HS6ST3: variants seen among roughly 807,000 people sequenced by gnomAD.
HS6ST3 encodes heparan-sulfate 6-O-sulfotransferase 3.
In HS6ST3, 12 loss-of-function variants were observed where a neutral mutation model predicts 36.7. The observed-to-expected ratio is 0.33, with a 90% CI of 0.21 to 0.53. The LOEUF (loss-of-function observed/expected upper bound fraction) is 0.53. Among genes scored for constraint, HS6ST3 ranks in the 20% least tolerant of loss-of-function variants. The probability of loss-of-function intolerance (pLI) is 0.95; values close to 1 mark genes in which losing one functional copy is unlikely to be tolerated. For missense variants in HS6ST3, 584 were observed against 640.9 expected (o/e 0.91, Z 0.96); for synonymous variants, 240 against 257.5 (o/e 0.93, Z 0.65).
chr13:96,354,899 G>A (rs1462350159), intron 1 of HS6ST3, among the ~76,000 whole-genome samples: 7 of 152,006 alleles, frequency 4.6e-5, no homozygotes, highest in Admixed American at 3.3e-4. Flanking sequence ...TCAAGCTACC[G>A]TAAGATAAGG....
chr13:96,351,348 G>A (rs1054355385), intron 1 of HS6ST3, among the ~76,000 whole-genome samples: 1 of 133,598 alleles, frequency 7.5e-6, no homozygotes, highest in Non-Finnish European at 1.5e-5. Context: ...AAAAAACAAG[G>A]TCTTGCTGGG....
chr13:96,646,105 C>T (rs779458772), intron 1 of HS6ST3, among the ~76,000 whole-genome samples: 11 of 151,958 alleles, frequency 7.2e-5, no homozygotes, highest in Non-Finnish European at 1.6e-4. Flanking sequence ...TAATAAAAGC[C>T]TCCATTTAGA....
intron 1 of HS6ST3, among the ~76,000 whole-genome samples, chr13:96,810,912 T>A (rs1319085803): frequency 6.6e-6 from 1 of 152,152 alleles, no homozygotes; most frequent in Non-Finnish European, 1.5e-5. Context: ...ACAGTTCAAG[T>A]TTTCCTGTAG....
At chr13:96,527,571 G>C (rs1310329851) in intron 1 of HS6ST3, among the ~76,000 whole-genome samples, 1 of 152,212 alleles carries the variant, frequency 6.6e-6, no homozygotes, top group African/African-American at 2.4e-5. Flanking sequence ...TGCTGGGAAA[G>C]ACAGAGCCTC....
At chr13:96,101,824 T>TA (rs910642747) in intron 1 of HS6ST3, among the ~76,000 whole-genome samples, 16 of 152,304 alleles carry the variant, frequency 1.1e-4, no homozygotes, top group African/African-American at 3.6e-4. Flanking sequence ...TGTACCGCCT[T>TA]ACACGGAGCT....
At chr13:96,278,071 C>G (rs1426975527) in intron 1 of HS6ST3, among the ~76,000 whole-genome samples, 1 of 152,126 alleles carries the variant, frequency 6.6e-6, no homozygotes, top group Admixed American at 6.6e-5. Flanking sequence ...GCTAACCTGT[C>G]TTAGGAGAGC....
chr13:96,775,692 G>A (rs1877371663), intron 1 of HS6ST3, among the ~76,000 whole-genome samples: 1 of 152,022 alleles, frequency 6.6e-6, no homozygotes, highest in African/African-American at 2.4e-5. Flanking sequence ...AATAAAGCAA[G>A]TTCTTACGTA....
chr13:96,178,705 A>G (rs2054224427), intron 1 of HS6ST3, among the ~76,000 whole-genome samples: 1 of 152,114 alleles, frequency 6.6e-6, no homozygotes, highest in Non-Finnish European at 1.5e-5. Flanking sequence ...CATTCCTATC[A>G]GATGCCCATA....
intron 1 of HS6ST3, among the ~76,000 whole-genome samples, chr13:96,474,185 C>T (rs1157306028): frequency 1.3e-5 from 2 of 152,116 alleles, no homozygotes; most frequent in Non-Finnish European, 2.9e-5. Context: ...CTCTGTTGGA[C>T]ACATCTTAAT....
intron 1 of HS6ST3, among the ~76,000 whole-genome samples, chr13:96,667,225 A>G (rs2138428541): frequency 6.6e-6 from 1 of 152,342 alleles, no homozygotes; most frequent in East Asian, 1.9e-4. Flanking sequence ...GTAGCAGACA[A>G]CTTCAGGTAG....
intron 1 of HS6ST3, among the ~76,000 whole-genome samples, chr13:96,109,020 A>G (rs1240820065): frequency 6.6e-6 from 1 of 151,704 alleles, no homozygotes; most frequent in East Asian, 1.9e-4. Context: ...CTGGATCTTT[A>G]TATTGTAACT....
intron 1 of HS6ST3, among the ~76,000 whole-genome samples, chr13:96,353,234 A>G (rs561229841): frequency 1.5e-4 from 22 of 151,674 alleles, no homozygotes; most frequent in Admixed American, 3.3e-4. Context: ...GAGTTTCACC[A>G]TGTTGTCCAG....
chr13:96,325,627 C>T (rs2055026912), intron 1 of HS6ST3, among the ~76,000 whole-genome samples: 1 of 152,146 alleles, frequency 6.6e-6, no homozygotes, highest in Non-Finnish European at 1.5e-5. Context: ...AAGACTTGAA[C>T]ATCCAAGGAT....
intron 1 of HS6ST3, among the ~76,000 whole-genome samples, chr13:96,360,122 G>T (rs2055230030): frequency 6.6e-6 from 1 of 152,098 alleles, no homozygotes; most frequent in Non-Finnish European, 1.5e-5. Context: ...TAGGAGCAGT[G>T]TTGGAGAAAA....
At chr13:96,480,064 A>G (rs532568318) in intron 1 of HS6ST3, among the ~76,000 whole-genome samples, 7 of 152,172 alleles carry the variant, frequency 4.6e-5, no homozygotes, top group Non-Finnish European at 1.0e-4. Flanking sequence ...ATATTGGAAA[A>G]CACTAATATT....
At chr13:96,102,098 T>TC (rs993149274) in intron 1 of HS6ST3, among the ~76,000 whole-genome samples, 4 of 152,178 alleles carry the variant, frequency 2.6e-5, no homozygotes, top group Non-Finnish European at 5.9e-5. Context: ...TATTTTTTTT[T>TC]CCCCACACAG....
chr13:96,236,248 A>G (rs1412462483), intron 1 of HS6ST3, among the ~76,000 whole-genome samples: 4 of 152,114 alleles, frequency 2.6e-5, no homozygotes, highest in African/African-American at 7.2e-5. Flanking sequence ...CTCACAGTCC[A>G]CTGACTCAGG....
At chr13:96,098,977 T>C (rs1482554155) in intron 1 of HS6ST3, among the ~76,000 whole-genome samples, 2 of 152,200 alleles carry the variant, frequency 1.3e-5, no homozygotes, top group Non-Finnish European at 2.9e-5. Context: ...GGAGTCTCGC[T>C]CTGTCACCCA....
At chr13:96,709,365 C>T (rs537945072) in intron 1 of HS6ST3, among the ~76,000 whole-genome samples, 1 of 152,310 alleles carries the variant, frequency 6.6e-6, no homozygotes, top group East Asian at 1.9e-4. Flanking sequence ...CACAAACACA[C>T]GACTACAATT....
Sources: allele counts gnomAD v4.1 joint callset (sites outside exome capture counted in the v4.1 genomes callset), GRCh38; gene constraint gnomAD v4.1.1; transcripts MANE v1.5; gene names NCBI Gene and HGNC (gene_info 2026-07-23, HGNC 2026-07-21).